LARP1: variants seen among roughly 807,000 people sequenced by gnomAD.
LARP1 encodes the protein La ribonucleoprotein 1, translational regulator, also known as la-related protein 1.
In LARP1, 36 loss-of-function variants were observed where a neutral mutation model predicts 122.7. The observed-to-expected ratio is 0.29, with a 90% confidence interval of 0.22 to 0.39. The LOEUF is 0.39. Among genes scored for constraint, LARP1 ranks in the 10% least tolerant of loss-of-function variants. The pLI, the probability that LARP1 is intolerant of heterozygous loss-of-function variation, is 1.00. For missense variants in LARP1, 1,040 were observed against 1,403.6 expected, an observed-to-expected ratio of 0.74 and a Z score of 4.14; for synonymous variants, 539 against 528.7, an observed-to-expected ratio of 1.02 and a Z score of -0.27.
Position 154,793,816 on chromosome 5 carries a change from C to A in LARP1, c.885C>A (p.Thr295=). ...TCCCCATAGGGTCTGAGTCTGCCAC[C>A]TACGTGCCCGTGGCCCCCCCCACCC... ...RGEIKGSESA[T]YVPVAPPTPA... is the part of the protein sequence containing the mutation. The change falls in exon 6 of 19, where the codon ACC becomes ACA. Residue 295 remains threonine, a synonymous_variant. Coordinates refer to ENST00000518297, the MANE Select transcript of LARP1 (RefSeq NM_033551.3). 8 of 1,614,146 alleles carry A rather than the reference C, an allele frequency of 5.0e-6. No individual in the cohort carries two copies. The highest frequency in any genetic ancestry group is 6.8e-6 in the Non-Finnish European group (8 of 1,180,002).
At chr5:154,712,275 C>G (rs1561539369), upstream of LARP1, among the ~76,000 whole-genome samples, 1 of 152,096 alleles carries the variant, frequency 6.6e-6, no homozygotes, top group Non-Finnish European at 1.5e-5. Flanking sequence ...ATGACTATAC[C>G]ATGCTACAGA....
At chr5:154,747,549 A>T (rs1169727338) in intron 1 of LARP1, among the ~76,000 whole-genome samples, 1 of 151,920 alleles carries the variant, frequency 6.6e-6, no homozygotes, top group African/African-American at 2.4e-5. Context: ...TCTACTAAAA[A>T]TATAAAATTA....
intron 1 of LARP1, among the ~76,000 whole-genome samples, chr5:154,728,025 G>A (rs1756333760): frequency 1.3e-5 from 2 of 152,142 alleles, no homozygotes; most frequent in African/African-American, 2.4e-5. Flanking sequence ...CTGAGATCAC[G>A]CCACTGCACT....
At chr5:154,757,998 A>C (rs1027833329) in intron 1 of LARP1, among the ~76,000 whole-genome samples, 5 of 150,298 alleles carry the variant, frequency 3.3e-5, no homozygotes, top group Admixed American at 1.3e-4. Context: ...CCACCCACAG[A>C]GTGAAGGAAA....
At chr5:154,776,607 G>A (rs561193184) in intron 1 of LARP1, among the ~76,000 whole-genome samples, 1 of 152,356 alleles carries the variant, frequency 6.6e-6, no homozygotes, top group Non-Finnish European at 1.5e-5. Flanking sequence ...TCTGCCATGA[G>A]CAATTGCACA....
chr5:154,691,272 A>AT (rs1754191953), intron 1 of LARP1, among the ~76,000 whole-genome samples: 1 of 151,168 alleles, frequency 6.6e-6, no homozygotes, highest in South Asian at 2.1e-4. Context: ...AAAAAAAAAA[A>AT]AAAGAAAGAA....
intron 1 of LARP1, among the ~76,000 whole-genome samples, chr5:154,740,668 A>G (rs1284614338): frequency 6.6e-6 from 1 of 152,162 alleles, no homozygotes; most frequent in Non-Finnish European, 1.5e-5. Flanking sequence ...CCTATGCTAC[A>G]CTGCCTTGTG....
chr5:154,703,551 C>T (rs1754818025), intron 1 of LARP1, among the ~76,000 whole-genome samples: 1 of 152,138 alleles, frequency 6.6e-6, no homozygotes, highest in Non-Finnish European at 1.5e-5. Flanking sequence ...GAGTTCAAGG[C>T]TGCAGTGAGC....
Position 154,803,436 on chromosome 5 carries a change from C to A in LARP1, c.2233+23C>A. 6.2e-7 allele frequency: 1 copy of A among 1,614,158 alleles called. No homozygotes were observed. The highest frequency in any genetic ancestry group is 2.2e-5 in the East Asian group (1 of 44,876). Reference sequence around the variant, plus strand: ...AAGGTGAGAAGCAGACACCTGAGATCCTGACATGGGTGAGAGGATCTAGGG... The same window carrying A: ...AAGGTGAGAAGCAGACACCTGAGATACTGACATGGGTGAGAGGATCTAGGG... On this transcript the variant is annotated intron_variant, in intron 12 of 18. Transcript: ENST00000518297. The surrounding 1 kb of genome is among the most constrained non-coding windows in gnomAD (Gnocchi z 4.4).
upstream of LARP1, among the ~76,000 whole-genome samples, chr5:154,711,891 G>A (rs1278760574): frequency 6.6e-6 from 1 of 152,092 alleles, no homozygotes; most frequent in East Asian, 1.9e-4. Flanking sequence ...CATCATTCAT[G>A]TCTCAGCTTT....
At chr5:154,737,779 CTT>C (rs1246868147) in intron 1 of LARP1, among the ~76,000 whole-genome samples, 5 of 152,106 alleles carry the variant, frequency 3.3e-5, no homozygotes, top group African/African-American at 1.2e-4. Context: ...CTCTCTCTCT[CTT>C]TGATCTCCTC....
chr5:154,695,319 G>GA (rs1269655736), intron 1 of LARP1, among the ~76,000 whole-genome samples: 3 of 150,188 alleles, frequency 2.0e-5, no homozygotes, highest in African/African-American at 4.9e-5. Flanking sequence ...CTCAAAAAAA[G>GA]AAAAAAAAGA....
At chr5:154,734,766 C>G (rs2113423086) in intron 1 of LARP1, among the ~76,000 whole-genome samples, 1 of 152,156 alleles carries the variant, frequency 6.6e-6, no homozygotes, top group East Asian at 1.9e-4. Context: ...AAACAGATTT[C>G]CAGAACTTTT....
chr5:154,791,134 G>GTTTTTT (rs778607471), intron 3 of LARP1, among the ~76,000 whole-genome samples: 1 of 116,286 alleles, frequency 8.6e-6, no homozygotes, highest in African/African-American at 3.2e-5. Context: ...GTTTTTTGTT[G>GTTTTTT]TTTTTTTTTT....
rs576875125 is a variant in LARP1 at position 154,801,840 on chromosome 5, C to T, written c.1717-167C>T. Among the ~76,000 whole-genome samples, 11 of 152,298 alleles carry T rather than the reference C, an allele frequency of 7.2e-5. No homozygotes were observed. In the East Asian group the frequency reaches 1.9e-3, roughly 27 times the overall value. The stretch of plus-strand genomic sequence containing the variant: ...TCTATGAAACATCCTTTCTCATAGT[C>T]ATAAAGCTGACTCCCAGGATGACGC... On this transcript the variant is annotated intron_variant, in intron 10 of 18. Coordinates refer to ENST00000518297, the MANE Select transcript of LARP1 (RefSeq NM_033551.3).
chr5:154,689,152 C>T (rs1224874895), intron 1 of LARP1, among the ~76,000 whole-genome samples: 2 of 151,774 alleles, frequency 1.3e-5, no homozygotes, highest in African/African-American at 4.9e-5. Context: ...AACCCCATGT[C>T]TACTAAAAAT....
At chr5:154,770,371 A>T (rs1451652848) in intron 1 of LARP1, among the ~76,000 whole-genome samples, 1 of 152,080 alleles carries the variant, frequency 6.6e-6, no homozygotes, top group African/African-American at 2.4e-5. Flanking sequence ...TCCCCTGATC[A>T]GAAGGGTAGT....
At chr5:154,792,059 G>A (rs1757393499) in intron 3 of LARP1, 1 of 438,714 alleles carries the variant, frequency 2.3e-6, no homozygotes. Flanking sequence ...CACTACGCTT[G>A]GGTTTTCTGA....
intron 10 of LARP1, among the ~76,000 whole-genome samples, chr5:154,800,385 G>T (rs1016646495): frequency 6.6e-6 from 1 of 152,070 alleles, no homozygotes; most frequent in Non-Finnish European, 1.5e-5. Flanking sequence ...TGCGTTTTTG[G>T]TGTCTTTTCC....
Sources: gnomAD v4.1 joint callset for allele counts (sites outside exome capture counted in the v4.1 genomes callset) on GRCh38, gnomAD v4.1.1 for gene constraint, Gnocchi (gnomAD v3.1) non-coding constraint, MANE v1.5 for transcripts, NCBI Gene and HGNC (gene_info 2026-07-23, HGNC 2026-07-21) for gene names.